Variants in PRKAG2 observed in about 807,000 individuals in gnomAD.
The protein encoded by PRKAG2 is protein kinase AMP-activated non-catalytic subunit gamma 2, also known as 5'-AMP-activated protein kinase subunit gamma-2.
In PRKAG2, 26 loss-of-function variants were observed where a neutral mutation model predicts 69.6. The ratio of observed to expected loss-of-function variants is 0.37; its 90% CI spans 0.27 to 0.52. The LOEUF (loss-of-function observed/expected upper bound fraction) is 0.52, where lower values mean the gene tolerates loss of function less well. Among genes scored for constraint, PRKAG2 ranks in the 20% least tolerant of loss-of-function variants. The pLI is 0.90. For missense variants in PRKAG2, 557 were observed against 740.0 expected, an observed-to-expected ratio of 0.75 and a Z score of 2.87; for synonymous variants, 293 against 285.0, an observed-to-expected ratio of 1.03 and a Z score of -0.28.
At chr7:151,622,423 C>T (rs1324777148) in intron 5 of PRKAG2, among the ~76,000 whole-genome samples, 1 of 152,206 alleles carries the variant, frequency 6.6e-6, no homozygotes. Flanking sequence ...ACAAGAATTA[C>T]TACTGCAAAT....
intron 3 of PRKAG2, among the ~76,000 whole-genome samples, chr7:151,705,326 G>GT (rs34135468): frequency 0.31 from 47,142 of 151,912 alleles, 7,885 homozygotes; most frequent in African/African-American, 0.42. Flanking sequence ...GGATTATGGT[G>GT]TTTTTTCTCT....
intron 15 of PRKAG2, chr7:151,557,823 G>A: frequency 1.3e-6 from 1 of 795,740 alleles, no homozygotes; most frequent in Middle Eastern, 6.4e-4. Flanking sequence ...TGAGCCGAGA[G>A]ATCATGCCAT....
At chr7:151,624,744 G>C (rs1317678778) in intron 5 of PRKAG2, among the ~76,000 whole-genome samples, 1 of 152,198 alleles carries the variant, frequency 6.6e-6, no homozygotes, top group African/African-American at 2.4e-5. Context: ...GGGTGGAGAA[G>C]CCTTTCACAC....
chr7:151,597,352 G>C (rs1414810022), intron 5 of PRKAG2, among the ~76,000 whole-genome samples: 2 of 152,230 alleles, frequency 1.3e-5, no homozygotes, highest in Admixed American at 6.5e-5. Context: ...AATGCTTCAT[G>C]ACTTTGGTCT....
chr7:151,704,924 C>T (rs1457509965), intron 3 of PRKAG2, among the ~76,000 whole-genome samples: 1 of 152,154 alleles, frequency 6.6e-6, no homozygotes, highest in African/African-American at 2.4e-5. Context: ...AGACCACGTC[C>T]CCAAAATGTT....
chr7:151,814,394 CAGCT>C lies in PRKAG2; in HGVS notation c.115-27857_115-27854del. ...CACAATCACTATGCATTTAGAAAGCCAGCTCCCGCAGGTCTGCTTACTCAGCCCC... is the reference window on the plus strand; with the variant it reads ...CACAATCACTATGCATTTAGAAAGCCCCCGCAGGTCTGCTTACTCAGCCCC... On this transcript the variant is annotated intron_variant, in intron 1 of 15. Coordinates refer to ENST00000287878, the MANE Select transcript of PRKAG2 (RefSeq NM_016203.4). This position sits in a 1 kb window ranked among gnomAD's most constrained non-coding sequence, Gnocchi z 4.8. 1 of 1,221,000 alleles carries C rather than the reference CAGCT, an allele frequency of 8.2e-7. No individual in the cohort carries two copies. The highest frequency in any genetic ancestry group is 1.0e-6 in the Non-Finnish European group (1 of 981,396). 75.6% of individuals were successfully genotyped at this position (1,221,000 alleles called of 1,614,324 possible).
At chr7:151,661,171 A>G (rs943617070) in intron 4 of PRKAG2, among the ~76,000 whole-genome samples, 4 of 152,138 alleles carry the variant, frequency 2.6e-5, no homozygotes, top group Non-Finnish European at 5.9e-5. Context: ...TGGGCCTTTC[A>G]CTGTCTTTTT....
In PRKAG2 at chr7:151,705,518, A is replaced by G. The variant is rs565651967; in HGVS notation, c.467-29881T>C. Among the ~76,000 whole-genome samples the G allele has an allele frequency of 4.6e-5, 7 of 152,252 alleles. No homozygotes were observed. In the East Asian group the frequency reaches 1.4e-3, roughly 29 times the overall value. ...ACACAGCTGGGCGAGGGGACAGCCG[A>G]CTGTCTGTGACAGACACTCCTTAGG... is the stretch of plus-strand genomic sequence containing the variant. On this transcript the variant is annotated intron_variant, in intron 3 of 15. Transcript: ENST00000287878.
rs537958859 is a variant in PRKAG2, at chr7:151,872,032, A to G, written c.114+4475T>C. On this transcript the variant is annotated intron_variant, in intron 1 of 15. Transcript: ENST00000287878. ...TTGGCAGTGGCAGTCCCTGCACACC[A>G]CAGTCCTCTGAGGCTGGGGTGAGGA... Among the ~76,000 whole-genome samples the G allele has an allele frequency of 3.3e-5, 5 of 152,286 alleles. No individual in the cohort carries two copies. The South Asian group carries it at 8.3e-4, about 25-fold the overall frequency.
intron 3 of PRKAG2, among the ~76,000 whole-genome samples, chr7:151,726,380 A>ACACACACACACACG (rs1797957238): frequency 1.2e-5 from 1 of 85,734 alleles, no homozygotes; most frequent in African/African-American, 3.0e-5. Context: ...GGACACACAC[A>ACACACACACACACG]CACACACACA....
intron 3 of PRKAG2, among the ~76,000 whole-genome samples, chr7:151,726,529 G>C (rs957382217): frequency 2.0e-5 from 3 of 152,156 alleles, no homozygotes; most frequent in Non-Finnish European, 2.9e-5. Context: ...AGAGCACTCT[G>C]TCACAGCCCC....
chr7:151,868,386 G>C (rs541092775), intron 1 of PRKAG2, among the ~76,000 whole-genome samples: 10 of 152,278 alleles, frequency 6.6e-5, no homozygotes, highest in African/African-American at 2.2e-4. Flanking sequence ...AGTAACAGTG[G>C]GGGCTTCTAA....
chr7:151,635,701 A>G (rs890668734), intron 4 of PRKAG2, among the ~76,000 whole-genome samples: 4 of 152,164 alleles, frequency 2.6e-5, no homozygotes, highest in Non-Finnish European at 4.4e-5. Flanking sequence ...AGGGGGCCAG[A>G]GGTGCCTATG....
chr7:151,766,017 G>C (rs1007242708), intron 3 of PRKAG2, among the ~76,000 whole-genome samples: 1 of 152,134 alleles, frequency 6.6e-6, no homozygotes, highest in Non-Finnish European at 1.5e-5. Context: ...ATTGTGTGCA[G>C]ATCCTACTCA....
intron 3 of PRKAG2, among the ~76,000 whole-genome samples, chr7:151,761,831 T>A (rs1361559431): frequency 2.6e-5 from 4 of 152,254 alleles, no homozygotes; most frequent in African/African-American, 9.6e-5. Flanking sequence ...AGCCACCTTG[T>A]GCCTTGACCT....
chr7:151,730,696 C>T (rs1798790367), intron 3 of PRKAG2, among the ~76,000 whole-genome samples: 1 of 152,102 alleles, frequency 6.6e-6, no homozygotes, highest in Admixed American at 6.5e-5. Context: ...GGAGAGACCA[C>T]AGGCTTGACT....
intron 5 of PRKAG2, among the ~76,000 whole-genome samples, chr7:151,601,538 G>T (rs1816065818): frequency 6.6e-6 from 1 of 152,170 alleles, no homozygotes; most frequent in Non-Finnish European, 1.5e-5. Context: ...CAGTAAGCAG[G>T]TTATACCTTC....
chr7:151,697,629 G>A (rs1836913342), intron 3 of PRKAG2, among the ~76,000 whole-genome samples: 1 of 152,148 alleles, frequency 6.6e-6, no homozygotes, highest in Non-Finnish European at 1.5e-5. Flanking sequence ...GACGGTGACA[G>A]GTCAGCAAGG....
chr7:151,851,355 A>G (rs200911977), intron 1 of PRKAG2, among the ~76,000 whole-genome samples: 36 of 112,108 alleles, frequency 3.2e-4, no homozygotes, highest in African/African-American at 1.1e-3. Flanking sequence ...AAAAAAAAAG[A>G]AAAAAAAAAA....
Sources: gnomAD v4.1 joint callset for allele counts (sites outside exome capture counted in the v4.1 genomes callset) on GRCh38, gnomAD v4.1.1 for gene constraint, Gnocchi (gnomAD v3.1) non-coding constraint, MANE v1.5 for transcripts, NCBI Gene and HGNC (gene_info 2026-07-23, HGNC 2026-07-21) for gene names.